The following H2AZ2 variants were observed in gnomAD, a reference collection of about 807,000 sequenced individuals.
H2AZ2 encodes histone H2A.V.
A neutral mutation model predicts 15.5 loss-of-function variants in H2AZ2; 5 were observed. The observed-to-expected ratio is 0.32, with a 90% confidence interval of 0.17 to 0.68. The LOEUF (loss-of-function observed/expected upper bound fraction) is 0.68, where lower values mean the gene tolerates loss of function less well. Among genes scored for constraint, H2AZ2 ranks in the 30% least tolerant of loss-of-function variants. H2AZ2 has a pLI of 0.72. For missense variants in H2AZ2, 42 were observed against 162.5 expected (o/e 0.26, Z 4.03); for synonymous variants, 44 against 57.4 (o/e 0.77, Z 1.05).
At chr7:44,836,634 C>T (rs1352598315) in intron 3 of H2AZ2, among the ~76,000 whole-genome samples, 1 of 152,064 alleles carries the variant, frequency 6.6e-6, no homozygotes, top group Non-Finnish European at 1.5e-5. Flanking sequence ...TCTCCTGCCT[C>T]AGCCTCCCGA....
In H2AZ2 at chr7:44,843,334, C is replaced by T. The variant is rs1297310292; in HGVS notation, c.24G>A (p.Lys8=). The change falls in exon 2 of 5, where the codon AAG becomes AAA. Residue 8 remains lysine (K), a synonymous_variant. Coordinates refer to ENST00000308153, the MANE Select transcript of H2AZ2 (RefSeq NM_012412.5). MAGGKAG[K]DSGKAKAKAV... The stretch of plus-strand genomic sequence containing the variant: ...CCTTAGCCTTGGCCTTCCCACTGTC[C>T]TTTCCAGCTTTGCCTCCAGCCTAAA... 1 of 1,612,526 alleles carries T rather than the reference C, an allele frequency of 6.2e-7. No individual in the cohort carries two copies. Among genetic ancestry groups the T allele is most frequent in the South Asian group, 1.1e-5 (1 of 90,696 alleles).
At position 44,834,180 on chromosome 7, in the gene H2AZ2, G is replaced by A; in HGVS notation, c.*321C>T. ...CTGAGATTTAAAATATTTAAAGTCT[G>A]AGTAAAATATTTCTAATACATCATG... is the stretch of plus-strand genomic sequence containing the variant. On this transcript the variant is annotated 3_prime_UTR_variant, in exon 5 of 5. Coordinates refer to ENST00000308153, the MANE Select transcript of H2AZ2 (RefSeq NM_012412.5). 7.7e-6 allele frequency: 8 copies of A among 1,040,176 alleles called. No homozygotes were observed. The highest frequency in any genetic ancestry group is 9.4e-6 in the Non-Finnish European group (8 of 854,980). The allele number at this position is 1,040,176 out of a possible 1,614,324, so 64.4% of individuals were successfully genotyped here. A position where few individuals can be genotyped will look rare whatever the true frequency, so the allele number is the denominator to read the frequency against.
rs1793051499 is a variant in H2AZ2 at position 44,833,812 on chromosome 7, T to C, written c.*689A>G. 1 of 500,674 alleles carries C rather than the reference T, an allele frequency of 2.0e-6. No homozygotes were observed. Among genetic ancestry groups the C allele is most frequent in the East Asian group, 1.5e-4 (1 of 6,728 alleles). The allele number at this position is 500,674 out of a possible 1,614,324, so 31.0% of individuals were successfully genotyped here. On this transcript the variant is annotated 3_prime_UTR_variant, in exon 5 of 5. Coordinates refer to ENST00000308153, the MANE Select transcript of H2AZ2 (RefSeq NM_012412.5). ...TTTTTGGCATAGCACACAATTTCTG[T>C]GACCCTTAGGCTCCACATCTATAAT...
intron 4 of H2AZ2, chr7:44,835,144 C>T (rs1793089615): frequency 4.6e-6 from 1 of 216,616 alleles, no homozygotes; most frequent in Non-Finnish European, 9.1e-6. Context: ...GAACCACCAA[C>T]TTACCTCTCA....
At position 44,834,011 on chromosome 7, in the gene H2AZ2, A is replaced by G. The variant is rs1347341538; in HGVS notation, c.*490T>C. The G allele has an allele frequency of 3.6e-6, 1 of 275,002 alleles. No individual in the cohort carries two copies. 17.0% of individuals were successfully genotyped at this position (275,002 alleles called of 1,614,324 possible). A position where few individuals can be genotyped will look rare whatever the true frequency, so the allele number is the denominator to read the frequency against. ...GTCTCATAATTGATGGCATATCATG[A>G]TTTAATTGGCAGGTTTTTTCCTTAG... On this transcript the variant is annotated 3_prime_UTR_variant, in exon 5 of 5. Coordinates refer to ENST00000308153, the MANE Select transcript of H2AZ2 (RefSeq NM_012412.5).
At chr7:44,837,333 G>T (rs1041883134) in intron 3 of H2AZ2, among the ~76,000 whole-genome samples, 1 of 144,826 alleles carries the variant, frequency 6.9e-6, no homozygotes, top group Non-Finnish European at 1.5e-5. Context: ...TGAGGCAGGA[G>T]AATCGGTTGA....
At chr7:44,837,545 G>A (rs1793158892) in intron 3 of H2AZ2, among the ~76,000 whole-genome samples, 1 of 148,746 alleles carries the variant, frequency 6.7e-6, no homozygotes, top group South Asian at 2.1e-4. Flanking sequence ...AGGCTGGAGT[G>A]CAGTGGTGCA....
At chr7:44,834,589 A>C (rs1793071410) in intron 4 of H2AZ2, 27 bp from the exon 5 acceptor site, 2 of 1,566,904 alleles carry the variant, frequency 1.3e-6, no homozygotes, top group Admixed American at 1.8e-5. Context: ...AAAAGTTATT[A>C]AAAACTTTTA....
intron 2 of H2AZ2, among the ~76,000 whole-genome samples, chr7:44,842,439 T>C (rs1380867113): frequency 6.6e-6 from 1 of 152,230 alleles, no homozygotes; most frequent in African/African-American, 2.4e-5. Context: ...AACTTCAAAA[T>C]GATTCCATTT....
intron 1 of H2AZ2, among the ~76,000 whole-genome samples, chr7:44,847,354 C>A (rs1224745805): frequency 1.3e-5 from 2 of 152,112 alleles, no homozygotes; most frequent in African/African-American, 4.8e-5. Context: ...ATAGCAAGGG[C>A]AAAGGAAAGT....
intron 2 of H2AZ2, among the ~76,000 whole-genome samples, chr7:44,842,625 C>G (rs553807639): frequency 6.6e-6 from 1 of 152,184 alleles, no homozygotes; most frequent in Non-Finnish European, 1.5e-5. Context: ...ACTGCAAAAA[C>G]CTCCATTGGC....
chr7:44,837,029 A>C (rs536690915), intron 3 of H2AZ2, among the ~76,000 whole-genome samples: 2 of 150,216 alleles, frequency 1.3e-5, no homozygotes, highest in Non-Finnish European at 3.0e-5. Flanking sequence ...CAAAAAACAA[A>C]ACAACAAAAA....
chr7:44,831,122 G>A (rs1466282076), downstream of H2AZ2, among the ~76,000 whole-genome samples: 2 of 152,190 alleles, frequency 1.3e-5, no homozygotes, highest in African/African-American at 4.8e-5. Context: ...AGCTGAGATT[G>A]TGCCACTGCA....
intron 2 of H2AZ2, 124 bp downstream of exon 2, chr7:44,843,136 TCAAAAAAAAAAAAAAAA>T (rs1159848391): frequency 4.9e-6 from 1 of 204,446 alleles, no homozygotes; most frequent in African/African-American, 1.4e-4. Flanking sequence ...AGACTCTGTC[TCAAAAAAAAAAAAAAAA>T]AAAAAAAAAA....
chr7:44,834,359 A>G lies in H2AZ2; in HGVS notation c.*142T>C. On this transcript the variant is annotated 3_prime_UTR_variant, in exon 5 of 5. Transcript: ENST00000308153. Reference sequence around the variant, plus strand: ...CAAACTTCGAGTCTAAGAACATACAAATGTTTCTTTTATCATGTCTACAGT... The same window carrying G: ...CAAACTTCGAGTCTAAGAACATACAGATGTTTCTTTTATCATGTCTACAGT... 1 of 1,343,588 alleles carries G rather than the reference A, an allele frequency of 7.4e-7. No individual in the cohort carries two copies. Among genetic ancestry groups the G allele is most frequent in the Non-Finnish European group, 9.6e-7 (1 of 1,037,074 alleles). 83.2% of individuals were successfully genotyped at this position (1,343,588 alleles called of 1,614,324 possible). A position where few individuals can be genotyped will look rare whatever the true frequency, so the allele number is the denominator to read the frequency against.
intron 1 of H2AZ2, among the ~76,000 whole-genome samples, chr7:44,844,846 T>C (rs957796274): frequency 2.0e-5 from 3 of 152,190 alleles, no homozygotes; most frequent in African/African-American, 7.2e-5. Context: ...TGGGGTATTA[T>C]AGAGTATATG....
intron 4 of H2AZ2, 67 bp from the exon 5 acceptor site, chr7:44,834,629 A>T (rs1028806208): frequency 1.4e-6 from 2 of 1,390,494 alleles, no homozygotes; most frequent in Non-Finnish European, 2.0e-6. Flanking sequence ...AAAGTTAATT[A>T]TAGAAAAAAT....
In H2AZ2 at chr7:44,846,060, CACAG is replaced by C. The variant is rs751723392; in HGVS notation, c.3+1905_3+1908del. Among the ~76,000 whole-genome samples the C allele has an allele frequency of 9.0e-3, 705 of 78,276 alleles. 14 individuals carry two copies. The highest frequency in any genetic ancestry group is 0.022 in the East Asian group (66 of 2,948). The allele number at this position is 78,276 out of a possible 152,430, so 51.4% of individuals were successfully genotyped here. On this transcript the variant is annotated intron_variant, in intron 1 of 4. Transcript: ENST00000308153. ...ACACACACACACACACACACACACA[CACAG>C]AGAGAGACAGAGAGAGAGAGAGAGG...
rs1435170016 is a variant in H2AZ2 at position 44,841,027 on chromosome 7, T to C, written c.82-15A>G. ...CCCACAGGAAACTAAAAGAGAGATGTCTTAGTGGGAAGCACTGCAGAGTCT... is the reference window on the plus strand; with the variant it reads ...CCCACAGGAAACTAAAAGAGAGATGCCTTAGTGGGAAGCACTGCAGAGTCT... On this transcript the variant is annotated splice_polypyrimidine_tract_variant and intron_variant, in intron 2 of 4. Coordinates refer to ENST00000308153, the MANE Select transcript of H2AZ2 (RefSeq NM_012412.5). The C allele has an allele frequency of 1.3e-6, 2 of 1,587,490 alleles. No homozygotes were observed. The highest frequency in any genetic ancestry group is 1.7e-5 in the Admixed American group (1 of 59,856).
Sources: gnomAD v4.1 joint callset for allele counts (sites outside exome capture counted in the v4.1 genomes callset) on GRCh38, gnomAD v4.1.1 for gene constraint, MANE v1.5 for transcripts, NCBI Gene and HGNC (gene_info 2026-07-23, HGNC 2026-07-21) for gene names.